TRAPPC9: variants seen among roughly 807,000 people sequenced by gnomAD.
The protein encoded by TRAPPC9 is IKK2 binding protein.
In TRAPPC9, 83 loss-of-function variants were observed where a neutral mutation model predicts 124.0. That is an observed-to-expected ratio of 0.67 (90% CI 0.56 to 0.80). The LOEUF is 0.80. Ranked by LOEUF, TRAPPC9 falls within the 30% of genes least tolerant of loss-of-function variation. The pLI, the probability that TRAPPC9 is intolerant of heterozygous loss-of-function variation, is 0.00. For synonymous variants in TRAPPC9, 638 were observed against 617.5 expected (o/e 1.03, Z -0.49); for missense variants, 1,302 against 1,508.3 (o/e 0.86, Z 2.27).
At chr8:139,983,129 G>C (rs1029374699) in intron 19 of TRAPPC9, among the ~76,000 whole-genome samples, 4 of 152,138 alleles carry the variant, frequency 2.6e-5, no homozygotes, top group Admixed American at 6.5e-5. Flanking sequence ...TGAAGCTTGA[G>C]AAAAACCCTT....
Position 140,147,668 on chromosome 8 carries a change from T to C in TRAPPC9, c.2556+73791A>G, listed in dbSNP as rs4736020. ...GCTTCAATGAGCATAATGACAGTGA[T>C]AGACAGTGGTAGACAGACACAGCTT... On this transcript the variant is annotated intron_variant, in intron 17 of 22. Transcript: ENST00000438773. 3.0e-3 allele frequency among the ~76,000 whole-genome samples: 460 copies of C among 152,378 alleles called. 10 individuals are homozygous for C. Among genetic ancestry groups the C allele is most frequent in the Admixed American group, 0.028 (436 of 15,314 alleles).
At chr8:139,922,332 T>C (rs978643996) in intron 19 of TRAPPC9, among the ~76,000 whole-genome samples, 4 of 152,136 alleles carry the variant, frequency 2.6e-5, no homozygotes, top group Non-Finnish European at 5.9e-5. Context: ...TACAGGCACG[T>C]GCCACCACAC....
intron 21 of TRAPPC9, among the ~76,000 whole-genome samples, chr8:139,785,643 C>T (rs188930382): frequency 3.3e-5 from 5 of 151,444 alleles, no homozygotes; most frequent in African/African-American, 1.2e-4. Flanking sequence ...GCACATGAAT[C>T]GCTTGAACCC....
chr8:140,054,404 G>C (rs1842184317), intron 17 of TRAPPC9, among the ~76,000 whole-genome samples: 1 of 151,974 alleles, frequency 6.6e-6, no homozygotes, highest in South Asian at 2.1e-4. Flanking sequence ...AAAACCTATG[G>C]GATGCAGGAA....
intron 21 of TRAPPC9, among the ~76,000 whole-genome samples, chr8:139,755,894 G>A (rs538166124): frequency 1.5e-4 from 21 of 137,796 alleles, no homozygotes; most frequent in African/African-American, 5.2e-4. Flanking sequence ...GTTTGGGGAT[G>A]AGGACAGTGT....
chr8:139,930,890 G>A (rs1038754498), intron 19 of TRAPPC9, among the ~76,000 whole-genome samples: 5 of 152,280 alleles, frequency 3.3e-5, no homozygotes, highest in African/African-American at 1.2e-4. Flanking sequence ...CTCAGTGTAC[G>A]CTGGACACCT....
chr8:140,316,823 T>C (rs1035321322), intron 9 of TRAPPC9, among the ~76,000 whole-genome samples: 4 of 152,182 alleles, frequency 2.6e-5, no homozygotes, highest in Admixed American at 6.5e-5. Context: ...CTTTGTTAAA[T>C]GTTTCAGCAG....
intron 16 of TRAPPC9, among the ~76,000 whole-genome samples, chr8:140,222,143 A>G (rs780200610): frequency 5.1e-4 from 78 of 152,212 alleles, no homozygotes; most frequent in Non-Finnish European, 9.6e-4. Flanking sequence ...GCCGCTCCTC[A>G]GGCTGGAATG....
At chr8:140,190,794 G>A (rs141576481) in intron 17 of TRAPPC9, among the ~76,000 whole-genome samples, 119 of 152,286 alleles carry the variant, frequency 7.8e-4, no homozygotes, top group Admixed American at 9.8e-4. Context: ...ATTCAAGAAC[G>A]TGCCAAGTTT....
At chr8:139,856,532 C>G (rs935663555) in intron 21 of TRAPPC9, among the ~76,000 whole-genome samples, 1 of 152,168 alleles carries the variant, frequency 6.6e-6, no homozygotes, top group Non-Finnish European at 1.5e-5. Context: ...GGACAATGTC[C>G]TCTCAGCTTC....
intron 17 of TRAPPC9, among the ~76,000 whole-genome samples, chr8:140,105,784 G>A (rs917757595): frequency 5.9e-5 from 9 of 152,038 alleles, no homozygotes; most frequent in Non-Finnish European, 1.5e-5. Flanking sequence ...CCTGTGGGGG[G>A]AGGCTCCAGG....
chr8:140,367,035 C>A (rs1232625905), intron 8 of TRAPPC9, among the ~76,000 whole-genome samples: 1 of 152,090 alleles, frequency 6.6e-6, no homozygotes, highest in East Asian at 1.9e-4. Flanking sequence ...CCACTACACA[C>A]CTATTAGAAT....
intron 14 of TRAPPC9, among the ~76,000 whole-genome samples, chr8:140,276,203 A>C (rs1222500144): frequency 6.6e-6 from 1 of 152,258 alleles, no homozygotes; most frequent in African/African-American, 2.4e-5. Context: ...AAAAAATGTC[A>C]TGCTTAGAAG....
intron 17 of TRAPPC9, among the ~76,000 whole-genome samples, chr8:140,184,316 T>C (rs912858167): frequency 2.6e-5 from 4 of 152,200 alleles, no homozygotes; most frequent in Admixed American, 6.5e-5. Flanking sequence ...AAAAAAAGAA[T>C]TGGAAGAAAG....
chr8:140,102,757 T>C (rs1423875697), intron 17 of TRAPPC9, among the ~76,000 whole-genome samples: 1 of 152,242 alleles, frequency 6.6e-6, no homozygotes, highest in South Asian at 2.1e-4. Context: ...AGAATGGCAG[T>C]GTGGACTCGG....
At chr8:140,403,294 G>C (rs2069345675) in intron 6 of TRAPPC9, among the ~76,000 whole-genome samples, 1 of 152,190 alleles carries the variant, frequency 6.6e-6, no homozygotes, top group Non-Finnish European at 1.5e-5. Context: ...GCCGGGCATG[G>C]TGGCTCGCAC....
intron 21 of TRAPPC9, among the ~76,000 whole-genome samples, chr8:139,855,457 A>G (rs1333709848): frequency 6.6e-6 from 1 of 152,168 alleles, no homozygotes; most frequent in Non-Finnish European, 1.5e-5. Context: ...GGCATCATCA[A>G]CATGGCAGGT....
chr8:140,250,895 G>A (rs955817444), intron 16 of TRAPPC9, among the ~76,000 whole-genome samples: 5 of 152,172 alleles, frequency 3.3e-5, no homozygotes, highest in Non-Finnish European at 7.3e-5. Context: ...TGTTTTAAAA[G>A]ATAGAAGAAG....
At chr8:140,150,971 G>A (rs555821347) in intron 17 of TRAPPC9, among the ~76,000 whole-genome samples, 4 of 152,256 alleles carry the variant, frequency 2.6e-5, no homozygotes, top group Admixed American at 1.3e-4. Context: ...AATTATAAAC[G>A]ACTTCTACTG....
Sources: allele counts gnomAD v4.1 joint callset (sites outside exome capture counted in the v4.1 genomes callset), GRCh38; gene constraint gnomAD v4.1.1; transcripts MANE v1.5; gene names NCBI Gene and HGNC (gene_info 2026-07-23, HGNC 2026-07-21).